Variants in CDH4 observed in about 807,000 individuals in gnomAD.
CDH4 encodes cadherin-4.
Under a neutral mutation model 86.0 loss-of-function variants are expected in CDH4, and 33 were observed. That is an observed-to-expected ratio of 0.38 (90% confidence interval 0.29 to 0.51). The LOEUF (loss-of-function observed/expected upper bound fraction) is 0.51. CDH4 is among the 20% of genes least tolerant of loss of function. CDH4 has a pLI of 0.86. For synonymous variants in CDH4, 555 were observed against 549.4 expected, an observed-to-expected ratio of 1.01 and a Z score of -0.14; for missense variants, 1,114 against 1,307.4, an observed-to-expected ratio of 0.85 and a Z score of 2.28.
At chr20:61,603,427 T>C (rs1211239412) in intron 2 of CDH4, among the ~76,000 whole-genome samples, 1 of 152,068 alleles carries the variant, frequency 6.6e-6, no homozygotes, top group Non-Finnish European at 1.5e-5. Context: ...GAGGAGACTC[T>C]AGGAAAACAA....
At chr20:61,508,180 A>G (rs1261398145) in intron 2 of CDH4, among the ~76,000 whole-genome samples, 6 of 152,254 alleles carry the variant, frequency 3.9e-5, no homozygotes, top group Non-Finnish European at 7.3e-5. Context: ...CTTCAGAGAC[A>G]TTGCCGCCTC....
intron 6 of CDH4, among the ~76,000 whole-genome samples, chr20:61,859,146 C>G (rs1001998090): frequency 2.0e-5 from 3 of 152,176 alleles, no homozygotes; most frequent in African/African-American, 7.2e-5. Flanking sequence ...TGTGTTTTCC[C>G]TCTGGCAAAT....
At chr20:61,691,961 C>A (rs1390832758) in intron 2 of CDH4, among the ~76,000 whole-genome samples, 2 of 152,200 alleles carry the variant, frequency 1.3e-5, no homozygotes, top group East Asian at 1.9e-4. Flanking sequence ...TGTGTATTAT[C>A]GGAATCTGCA....
intron 2 of CDH4, among the ~76,000 whole-genome samples, chr20:61,550,759 T>G (rs962509724): frequency 2.0e-5 from 3 of 152,212 alleles, no homozygotes; most frequent in Middle Eastern, 3.2e-3. Flanking sequence ...TGTGCTCTTG[T>G]GTTGCCTTCT....
chr20:61,694,378 A>G (rs1028941963), intron 2 of CDH4, among the ~76,000 whole-genome samples: 2 of 152,132 alleles, frequency 1.3e-5, no homozygotes, highest in African/African-American at 4.8e-5. Context: ...GCCCCTTCCC[A>G]GGCTTGAGGC....
chr20:61,484,724 G>C (rs1479094460), intron 2 of CDH4, among the ~76,000 whole-genome samples: 1 of 152,112 alleles, frequency 6.6e-6, no homozygotes, highest in Non-Finnish European at 1.5e-5. Context: ...TGGGGAAAGA[G>C]CTATCATGAC....
intron 3 of CDH4, among the ~76,000 whole-genome samples, chr20:61,755,617 CCCACACACATGCCCCACACA>C (rs933280819): frequency 8.0e-5 from 12 of 150,444 alleles, no homozygotes; most frequent in Non-Finnish European, 1.6e-4. Flanking sequence ...GCTGCACACA[CCCACACACATGCCCCACACA>C]CCACACACAC....
At chr20:61,261,689 C>T (rs2084128361) in intron 2 of CDH4, among the ~76,000 whole-genome samples, 1 of 152,162 alleles carries the variant, frequency 6.6e-6, no homozygotes, top group African/African-American at 2.4e-5. Flanking sequence ...GGTTTTAGAG[C>T]ACCACTGTCA....
At chr20:61,888,409 A>G (rs918286849) in intron 7 of CDH4, among the ~76,000 whole-genome samples, 4 of 152,230 alleles carry the variant, frequency 2.6e-5, no homozygotes, top group African/African-American at 9.6e-5. Flanking sequence ...TCACAGGTGA[A>G]GGAGAACACA....
chr20:61,477,108 C>T (rs958350283), intron 2 of CDH4, among the ~76,000 whole-genome samples: 1 of 152,132 alleles, frequency 6.6e-6, no homozygotes, highest in Non-Finnish European at 1.5e-5. Context: ...AGCCTGAGGC[C>T]AAGAGATGGG....
intron 2 of CDH4, among the ~76,000 whole-genome samples, chr20:61,273,085 T>G (rs1600822343): frequency 1.8e-5 from 1 of 56,088 alleles, no homozygotes. Context: ...TTTGGGGGAG[T>G]ATTGGGGGAG....
At chr20:61,602,504 A>G (rs1186704898) in intron 2 of CDH4, among the ~76,000 whole-genome samples, 1 of 151,978 alleles carries the variant, frequency 6.6e-6, no homozygotes, top group Non-Finnish European at 1.5e-5. Flanking sequence ...AATCAATAAT[A>G]ATAACAGTAA....
intron 4 of CDH4, among the ~76,000 whole-genome samples, chr20:61,836,872 C>A (rs2146089489): frequency 6.6e-6 from 1 of 152,278 alleles, no homozygotes. Context: ...AAGTTCTAGT[C>A]CAGGACCTTG....
intron 4 of CDH4, among the ~76,000 whole-genome samples, chr20:61,797,052 G>C (rs926016116): frequency 8.0e-5 from 12 of 149,514 alleles, no homozygotes; most frequent in African/African-American, 2.2e-4. Flanking sequence ...GAGGGGGTGA[G>C]AGCTGCTCTC....
At position 61,634,470 on chromosome 20, in the gene CDH4, A is replaced by G. The variant is rs146681115; in HGVS notation, c.170-109093A>G. 1.9e-3 allele frequency among the ~76,000 whole-genome samples: 273 copies of G among 147,348 alleles called. 4 individuals carry two copies. The highest frequency in any genetic ancestry group is 6.5e-3 in the African/African-American group (254 of 38,992). ...ACTTCCGCGAGTGTTCTCCACACCC[A>G]TAGATCTGCAGCTTTAAAGCAACAA... On this transcript the variant is annotated intron_variant, in intron 2 of 15. Coordinates refer to ENST00000614565, the MANE Select transcript of CDH4 (RefSeq NM_001794.5).
rs532853171 is a variant in CDH4 at position 61,377,778 on chromosome 20, C to T, written c.169+122841C>T. On this transcript the variant is annotated intron_variant, in intron 2 of 15. Transcript: ENST00000614565. The surrounding 1 kb of genome is among the most constrained non-coding windows in gnomAD (Gnocchi z 4.0). ...ATTCCATCTGTTCCCCATCTGGACT[C>T]CTTAGGTCGGTCCACTGGCCTGTGC... Among the ~76,000 whole-genome samples, 10 of 152,210 alleles carry T rather than the reference C, an allele frequency of 6.6e-5. No homozygotes were observed. Among genetic ancestry groups the T allele is most frequent in the Non-Finnish European group, 1.3e-4 (9 of 68,040 alleles).
rs1025707525 is a variant in CDH4, at chr20:61,839,379, G to A, written c.577-5289G>A. On this transcript the variant is annotated intron_variant, in intron 4 of 15. Coordinates refer to ENST00000614565, the MANE Select transcript of CDH4 (RefSeq NM_001794.5). ...TATGTTTGTGTATTGAATGTGTGTT[G>A]TGTGTGTATGTGTATTTGTGTTGTG... is the stretch of plus-strand genomic sequence containing the variant. 2.6e-5 allele frequency among the ~76,000 whole-genome samples: 4 copies of A among 151,744 alleles called. No individual in the cohort carries two copies. In the East Asian group the frequency reaches 7.8e-4, roughly 29 times the overall value.
chr20:61,301,960 T>G (rs1467728399), intron 2 of CDH4, among the ~76,000 whole-genome samples: 2 of 152,260 alleles, frequency 1.3e-5, no homozygotes, highest in Non-Finnish European at 2.9e-5. Flanking sequence ...TACGCCATAC[T>G]TCCGTTGCTG....
At chr20:61,520,144 C>G (rs930469005) in intron 2 of CDH4, among the ~76,000 whole-genome samples, 3 of 152,156 alleles carry the variant, frequency 2.0e-5, no homozygotes. Flanking sequence ...GCAGAAATGC[C>G]CATGTCCATG....
Sources: gnomAD v4.1 joint callset for allele counts (sites outside exome capture counted in the v4.1 genomes callset) on GRCh38, gnomAD v4.1.1 for gene constraint, Gnocchi (gnomAD v3.1) non-coding constraint, MANE v1.5 for transcripts, NCBI Gene and HGNC (gene_info 2026-07-23, HGNC 2026-07-21) for gene names.